The following KLHL32 variants were observed in gnomAD, a reference collection of about 807,000 sequenced individuals.
KLHL32 encodes the protein kelch like family member 32, also known as kelch-like protein 32.
In KLHL32, 35 loss-of-function variants were observed where a neutral mutation model predicts 64.8. That is an observed-to-expected ratio of 0.54 (90% CI 0.41 to 0.72). KLHL32 has a LOEUF of 0.72. KLHL32 is among the 30% of genes least tolerant of loss of function. The pLI, the probability that KLHL32 is intolerant of heterozygous loss-of-function variation, is 0.00. For synonymous variants in KLHL32, 259 were observed against 281.0 expected, an observed-to-expected ratio of 0.92 and a Z score of 0.78; for missense variants, 589 against 768.5, an observed-to-expected ratio of 0.77 and a Z score of 2.76.
the KLHL32 span, among the ~76,000 whole-genome samples, chr6:96,919,325 A>C: frequency 6.6e-6 from 1 of 152,348 alleles, no homozygotes; most frequent in African/African-American, 2.4e-5. Flanking sequence ...ACTCTGATTT[A>C]AAAGTATTGT....
intron 3 of KLHL32, among the ~76,000 whole-genome samples, chr6:97,027,544 G>A (rs1015335753): frequency 6.6e-6 from 1 of 151,872 alleles, no homozygotes; most frequent in Non-Finnish European, 1.5e-5. Flanking sequence ...GAAGGAAATG[G>A]ACCAGAGAAA....
intron 5 of KLHL32, among the ~76,000 whole-genome samples, chr6:97,075,478 G>A (rs1791450355): frequency 6.6e-6 from 1 of 152,142 alleles, no homozygotes; most frequent in East Asian, 1.9e-4. Context: ...ATAACAATTA[G>A]ACTTTATCCT....
chr6:97,011,629 A>G (rs543244713), intron 3 of KLHL32, among the ~76,000 whole-genome samples: 1 of 152,352 alleles, frequency 6.6e-6, no homozygotes, highest in African/African-American at 2.4e-5. Context: ...TGTGAAAAAT[A>G]GATACATATT....
upstream of KLHL32, among the ~76,000 whole-genome samples, chr6:96,924,092 G>A (rs1768861493): frequency 6.6e-6 from 1 of 152,320 alleles, no homozygotes; most frequent in East Asian, 1.9e-4. Flanking sequence ...CTGGCGGGTT[G>A]GTTCCCCTGA....
At chr6:97,102,507 A>G (rs1055858641) in intron 6 of KLHL32, among the ~76,000 whole-genome samples, 1 of 152,128 alleles carries the variant, frequency 6.6e-6, no homozygotes, top group East Asian at 1.9e-4. Context: ...CATGTTATGT[A>G]AATATGCAGG....
At chr6:96,913,249 T>A in the KLHL32 span, among the ~76,000 whole-genome samples, 1 of 152,332 alleles carries the variant, frequency 6.6e-6, no homozygotes, top group East Asian at 1.9e-4. Context: ...GAATTCTGCA[T>A]ATCCTATTTG....
At chr6:96,961,678 A>G (rs1773897138) in intron 1 of KLHL32, among the ~76,000 whole-genome samples, 2 of 152,208 alleles carry the variant, frequency 1.3e-5, no homozygotes, top group South Asian at 2.1e-4. Context: ...GGTGGTCTAA[A>G]GTATAGGGAA....
At chr6:96,943,533 T>A (rs1451783752) in intron 1 of KLHL32, among the ~76,000 whole-genome samples, 3 of 152,228 alleles carry the variant, frequency 2.0e-5, no homozygotes, top group Non-Finnish European at 4.4e-5. Context: ...TTAATTGGAT[T>A]CCTCCACATT....
At chr6:96,935,551 T>C (rs956803263) in intron 1 of KLHL32, among the ~76,000 whole-genome samples, 2 of 152,162 alleles carry the variant, frequency 1.3e-5, no homozygotes, top group African/African-American at 4.8e-5. Context: ...CTATCATCAA[T>C]TGATTTTGAA....
chr6:97,036,747 C>T (rs1287310643), intron 3 of KLHL32, among the ~76,000 whole-genome samples: 1 of 152,152 alleles, frequency 6.6e-6, no homozygotes, highest in African/African-American at 2.4e-5. Flanking sequence ...ACATCACACC[C>T]AGGTGTGGGC....
At chr6:96,973,702 A>T (rs1344249399) in intron 2 of KLHL32, among the ~76,000 whole-genome samples, 2 of 135,342 alleles carry the variant, frequency 1.5e-5, no homozygotes, top group South Asian at 2.3e-4. Context: ...CCCCTTAAGC[A>T]TAGATTTTTG....
At position 97,079,974 on chromosome 6, in the gene KLHL32, CAGAATGCAGG is replaced by C. The variant is rs1273300776; in HGVS notation, c.412-5148_412-5139del. 4.6e-5 allele frequency among the ~76,000 whole-genome samples: 7 copies of C among 152,186 alleles called. No individual in the cohort carries two copies. In the East Asian group the frequency reaches 1.4e-3, roughly 29 times the overall value. On this transcript the variant is annotated intron_variant, in intron 5 of 10. Transcript: ENST00000369261. ...CCTGGATACTTACATTTTTAAGTCA[CAGAATGCAGG>C]AGAGCTGAGACAATCTCGTAATTAG...
At chr6:96,957,725 G>A (rs1773429832) in intron 1 of KLHL32, among the ~76,000 whole-genome samples, 1 of 152,110 alleles carries the variant, frequency 6.6e-6, no homozygotes, top group Non-Finnish European at 1.5e-5. Flanking sequence ...GAAAAGGCAT[G>A]TGCTAATGTG....
At chr6:97,098,861 A>G (rs1795330102) in intron 6 of KLHL32, among the ~76,000 whole-genome samples, 1 of 152,212 alleles carries the variant, frequency 6.6e-6, no homozygotes, top group Non-Finnish European at 1.5e-5. Context: ...TGGTTAAGCA[A>G]TGGGAACTAA....
chr6:97,025,266 C>T (rs779336883), intron 3 of KLHL32: 2 of 372,576 alleles, frequency 5.4e-6, no homozygotes, highest in Non-Finnish European at 7.4e-6. Context: ...CTTGTTGAAT[C>T]GGTTGCTTTT....
chr6:96,963,821 C>A (rs1344316498), intron 1 of KLHL32, among the ~76,000 whole-genome samples: 1 of 152,228 alleles, frequency 6.6e-6, no homozygotes, highest in Non-Finnish European at 1.5e-5. Flanking sequence ...CTCCTGAGGT[C>A]ATGCCCAAGG....
chr6:96,931,252 C>T (rs1769847235), intron 1 of KLHL32, among the ~76,000 whole-genome samples: 1 of 152,080 alleles, frequency 6.6e-6, no homozygotes, highest in Non-Finnish European at 1.5e-5. Flanking sequence ...TTCCCTGTTC[C>T]CACCAGCAAC....
intron 6 of KLHL32, among the ~76,000 whole-genome samples, chr6:97,103,863 C>T (rs1796071366): frequency 6.6e-6 from 1 of 152,174 alleles, no homozygotes; most frequent in Admixed American, 6.5e-5. Context: ...ATTTTGGTTG[C>T]CTCTACCACC....
chr6:97,041,867 G>A (rs149277006), intron 4 of KLHL32, among the ~76,000 whole-genome samples: 203 of 152,204 alleles, frequency 1.3e-3, no homozygotes, highest in African/African-American at 4.7e-3. Context: ...AAGAACTATC[G>A]TAAGGGAAAG....
Sources: gnomAD v4.1 joint callset for allele counts (sites outside exome capture counted in the v4.1 genomes callset) on GRCh38, gnomAD v4.1.1 for gene constraint, MANE v1.5 for transcripts, NCBI Gene and HGNC (gene_info 2026-07-23, HGNC 2026-07-21) for gene names.